The following NEDD4L variants were observed in gnomAD, a reference collection of about 807,000 sequenced individuals.
The protein encoded by NEDD4L is NEDD4 like E3 ubiquitin protein ligase.
A neutral mutation model predicts 148.9 loss-of-function variants in NEDD4L; 54 were observed. That is an observed-to-expected ratio of 0.36 (90% CI 0.29 to 0.45). The LOEUF (loss-of-function observed/expected upper bound fraction) is 0.45. Ranked by LOEUF, NEDD4L falls within the 20% of genes least tolerant of loss-of-function variation. The probability of loss-of-function intolerance (pLI) is 1.00; values close to 1 mark genes in which losing one functional copy is unlikely to be tolerated. For synonymous variants in NEDD4L, 433 were observed against 440.7 expected (o/e 0.98, Z 0.22); for missense variants, 856 against 1,233.8 (o/e 0.69, Z 4.59).
intron 1 of NEDD4L, among the ~76,000 whole-genome samples, chr18:58,048,554 A>C (rs1485900714): frequency 1.3e-5 from 2 of 152,214 alleles, no homozygotes; most frequent in Non-Finnish European, 2.9e-5. Flanking sequence ...CCTAGTTTTT[A>C]ACATGCTGAA....
At chr18:58,257,288 T>C (rs1042677180) in intron 5 of NEDD4L, among the ~76,000 whole-genome samples, 1 of 152,182 alleles carries the variant, frequency 6.6e-6, no homozygotes, top group Non-Finnish European at 1.5e-5. Flanking sequence ...TGATTATCTG[T>C]CATGGCCTGT....
At chr18:58,396,096 T>C in intron 30 of NEDD4L, 71 bp from the exon 31 acceptor site, 1 of 1,017,048 alleles carries the variant, frequency 9.8e-7, no homozygotes, top group Non-Finnish European at 1.5e-6. Flanking sequence ...TACTCAAACC[T>C]CATGCCCTAT....
At chr18:58,163,929 TC>T (rs111455823) in intron 1 of NEDD4L, among the ~76,000 whole-genome samples, 6,123 of 152,286 alleles carry the variant, frequency 0.04, 418 homozygotes, top group African/African-American at 0.14. Flanking sequence ...ATCAAGGTTT[TC>T]TTGCCCTCAC....
chr18:58,226,508 G>A (rs146374903), intron 2 of NEDD4L, among the ~76,000 whole-genome samples: 138 of 152,306 alleles, frequency 9.1e-4, no homozygotes, highest in South Asian at 2.3e-3. Context: ...GGGGAGGGAC[G>A]AATGTGAACG....
At chr18:58,178,550 G>C (rs941961605) in intron 2 of NEDD4L, among the ~76,000 whole-genome samples, 1 of 152,082 alleles carries the variant, frequency 6.6e-6, no homozygotes, top group African/African-American at 2.4e-5. Flanking sequence ...GCCCACTTTC[G>C]CTACGGAATA....
In NEDD4L at chr18:58,171,474, C is replaced by T. The variant is rs573021397; in HGVS notation, c.122+5613C>T. ...CACCCCAGCCCAAGGGGACAGAACA[C>T]TGCTGCTCCTGGGGCTGTAGTGGGT... On this transcript the variant is annotated intron_variant, in intron 2 of 30. Transcript: ENST00000400345. Among the ~76,000 whole-genome samples, 6 of 152,340 alleles carry T rather than the reference C, an allele frequency of 3.9e-5. No individual in the cohort carries two copies. The South Asian group carries it at 1.2e-3, about 32-fold the overall frequency.
chr18:58,141,569 T>G (rs974078824), intron 1 of NEDD4L, among the ~76,000 whole-genome samples: 2 of 152,162 alleles, frequency 1.3e-5, no homozygotes, highest in African/African-American at 4.8e-5. Context: ...AAAGCAGGCC[T>G]TGAATTCCTG....
intron 1 of NEDD4L, among the ~76,000 whole-genome samples, chr18:58,100,613 A>C (rs1310178625): frequency 6.6e-6 from 1 of 152,162 alleles, no homozygotes; most frequent in Non-Finnish European, 1.5e-5. Flanking sequence ...CTTCTGAGCA[A>C]GAGATTTTGA....
chr18:58,142,918 C>T (rs879474484), intron 1 of NEDD4L, among the ~76,000 whole-genome samples: 2 of 151,902 alleles, frequency 1.3e-5, no homozygotes, highest in African/African-American at 2.4e-5. Context: ...AGTATCTGGA[C>T]GCTGGCAGGG....
chr18:58,296,652 T>C (rs763604598), intron 5 of NEDD4L, among the ~76,000 whole-genome samples: 1 of 152,202 alleles, frequency 6.6e-6, no homozygotes, highest in Non-Finnish European at 1.5e-5. Flanking sequence ...CCGGGCGCGG[T>C]GGCTCACGCC....
chr18:58,382,718 G>A (rs141020930), intron 24 of NEDD4L, among the ~76,000 whole-genome samples: 136 of 152,250 alleles, frequency 8.9e-4, no homozygotes, highest in African/African-American at 3.1e-3. Context: ...AGGAGAAGGC[G>A]TCCAATGCAA....
At chr18:58,139,615 A>T (rs985685987) in intron 1 of NEDD4L, among the ~76,000 whole-genome samples, 1 of 152,324 alleles carries the variant, frequency 6.6e-6, no homozygotes, top group South Asian at 2.1e-4. Flanking sequence ...GTAGTTAGGG[A>T]CAGAAGAAGG....
chr18:58,082,102 A>ATATATATATAT, intron 1 of NEDD4L, among the ~76,000 whole-genome samples: 19 of 48,832 alleles, frequency 3.9e-4, no homozygotes, highest in Admixed American at 3.3e-3. Context: ...ATATATATAT[A>ATATATATATAT]TTTTTTTTTT....
chr18:58,310,574 C>T (rs929250052), intron 5 of NEDD4L, among the ~76,000 whole-genome samples: 17 of 152,294 alleles, frequency 1.1e-4, no homozygotes, highest in African/African-American at 3.6e-4. Flanking sequence ...GAGGCACCAC[C>T]CAGGTGCAGA....
chr18:58,280,823 A>G (rs917006219), intron 5 of NEDD4L, among the ~76,000 whole-genome samples: 8 of 152,340 alleles, frequency 5.3e-5, no homozygotes, highest in African/African-American at 1.7e-4. Flanking sequence ...ATAACCAAGA[A>G]ATTCATTCAT....
chr18:58,249,831 C>T (rs960002662), intron 4 of NEDD4L, among the ~76,000 whole-genome samples: 10 of 152,218 alleles, frequency 6.6e-5, no homozygotes, highest in East Asian at 3.8e-4. Flanking sequence ...TTCCATTATG[C>T]TCAGAGCTGA....
rs377738803 is a variant in NEDD4L, at chr18:58,127,621, C to T, written c.49-38167C>T. Among the ~76,000 whole-genome samples, 13 of 151,996 alleles carry T rather than the reference C, an allele frequency of 8.6e-5. 1 individual carries two copies. The highest frequency in any genetic ancestry group is 3.1e-4 in the African/African-American group (13 of 41,480). The stretch of plus-strand genomic sequence containing the variant: ...TTGGGAGGCCGAGGCAGGCGGATCA[C>T]GAGGTCAGGAGATTGAGACCATCCT... On this transcript the variant is annotated intron_variant, in intron 1 of 30. Coordinates refer to ENST00000400345, the MANE Select transcript of NEDD4L (RefSeq NM_001144967.3).
chr18:58,071,628 G>A (rs1226042824), intron 1 of NEDD4L, among the ~76,000 whole-genome samples: 1 of 152,218 alleles, frequency 6.6e-6, no homozygotes, highest in Non-Finnish European at 1.5e-5. Flanking sequence ...GAAAAAGAAG[G>A]TATACTGTGA....
chr18:58,330,068 G>A (rs973413006), intron 10 of NEDD4L, among the ~76,000 whole-genome samples: 1 of 152,046 alleles, frequency 6.6e-6, no homozygotes, highest in African/African-American at 2.4e-5. Flanking sequence ...TACTTAAAAC[G>A]TTATGAATTA....
Sources: allele counts gnomAD v4.1 joint callset (sites outside exome capture counted in the v4.1 genomes callset), GRCh38; gene constraint gnomAD v4.1.1; transcripts MANE v1.5; gene names NCBI Gene and HGNC (gene_info 2026-07-23, HGNC 2026-07-21).